The following DUSP16 variants were observed in gnomAD, a reference collection of about 807,000 sequenced individuals.
DUSP16 encodes dual specificity phosphatase 16, also known as dual specificity protein phosphatase 16.
A neutral mutation model predicts 58.3 loss-of-function variants in DUSP16; 21 were observed. The ratio of observed to expected loss-of-function variants is 0.36; its 90% CI spans 0.26 to 0.52. The LOEUF (loss-of-function observed/expected upper bound fraction) is 0.52, where lower values mean the gene tolerates loss of function less well. Among genes scored for constraint, DUSP16 ranks in the 20% least tolerant of loss-of-function variants. The pLI, the probability that DUSP16 is intolerant of heterozygous loss-of-function variation, is 0.94. For missense variants in DUSP16, 726 were observed against 819.0 expected (o/e 0.89, Z 1.39); for synonymous variants, 320 against 323.8 (o/e 0.99, Z 0.12).
At chr12:12,526,247 T>A (rs1944306407) in intron 1 of DUSP16, among the ~76,000 whole-genome samples, 1 of 152,204 alleles carries the variant, frequency 6.6e-6, no homozygotes, top group South Asian at 2.1e-4. Flanking sequence ...TTATATTTTA[T>A]AATATTTAAC....
At chr12:12,548,587 G>A (rs1336101762) in intron 1 of DUSP16, among the ~76,000 whole-genome samples, 1 of 131,830 alleles carries the variant, frequency 7.6e-6, no homozygotes, top group Non-Finnish European at 1.5e-5. Context: ...AGCCGAGATC[G>A]CACCACTGCA....
At chr12:12,484,891 C>T (rs1176787020) in intron 5 of DUSP16, among the ~76,000 whole-genome samples, 4 of 152,030 alleles carry the variant, frequency 2.6e-5, no homozygotes, top group South Asian at 2.1e-4. Flanking sequence ...GGATTACAGG[C>T]GTAAGCCACC....
At chr12:12,545,966 G>A (rs1021055100) in intron 1 of DUSP16, among the ~76,000 whole-genome samples, 1 of 151,998 alleles carries the variant, frequency 6.6e-6, no homozygotes, top group Non-Finnish European at 1.5e-5. Flanking sequence ...TTTAATATGT[G>A]GATTCTGAAT....
intron 3 of DUSP16, among the ~76,000 whole-genome samples, chr12:12,503,895 C>A (rs1413291358): frequency 1.3e-5 from 2 of 152,166 alleles, no homozygotes; most frequent in African/African-American, 4.8e-5. Flanking sequence ...CAAAATGCTA[C>A]GCTAGGGTCA....
At chr12:12,498,607 G>T (rs111531466) in intron 4 of DUSP16, among the ~76,000 whole-genome samples, 1 of 152,010 alleles carries the variant, frequency 6.6e-6, no homozygotes, top group South Asian at 2.1e-4. Flanking sequence ...TAGAGACGGG[G>T]TTTTGCCACG....
intron 3 of DUSP16, among the ~76,000 whole-genome samples, chr12:12,510,298 A>G (rs2136222508): frequency 6.6e-6 from 1 of 152,360 alleles, no homozygotes; most frequent in Admixed American, 6.5e-5. Flanking sequence ...TTGATGAGTC[A>G]AGAGGAAAAA....
At chr12:12,484,832 A>C (rs1943648855) in intron 5 of DUSP16, among the ~76,000 whole-genome samples, 1 of 151,734 alleles carries the variant, frequency 6.6e-6, no homozygotes, top group Admixed American at 6.6e-5. Context: ...GCTATCGCAA[A>C]CTCCAGCAAC....
At chr12:12,545,435 T>G (rs1165035789) in intron 1 of DUSP16, among the ~76,000 whole-genome samples, 1 of 139,726 alleles carries the variant, frequency 7.2e-6, no homozygotes, top group South Asian at 2.5e-4. Flanking sequence ...CCCAGCTAAT[T>G]TGTGTACTTT....
chr12:12,522,471 G>A (rs983594442), intron 1 of DUSP16, among the ~76,000 whole-genome samples: 2 of 151,920 alleles, frequency 1.3e-5, no homozygotes, highest in Non-Finnish European at 2.9e-5. Flanking sequence ...CAATACTCTC[G>A]GATTCCTATC....
chr12:12,533,574 C>T (rs1376595796), intron 1 of DUSP16, among the ~76,000 whole-genome samples: 1 of 152,212 alleles, frequency 6.6e-6, no homozygotes, highest in African/African-American at 2.4e-5. Flanking sequence ...GCTACAAAAA[C>T]TCTAAAATCA....
At chr12:12,493,952 T>C (rs1355139044) in intron 4 of DUSP16, among the ~76,000 whole-genome samples, 1 of 152,232 alleles carries the variant, frequency 6.6e-6, no homozygotes, top group African/African-American at 2.4e-5. Context: ...GCAGAGATTA[T>C]TGTCTCATTT....
intron 3 of DUSP16, among the ~76,000 whole-genome samples, chr12:12,503,483 C>T (rs1943942923): frequency 6.6e-6 from 1 of 152,096 alleles, no homozygotes; most frequent in African/African-American, 2.4e-5. Context: ...CCTCGGCCTC[C>T]CCGTTTTTTT....
At chr12:12,545,911 G>A (rs1300186145) in intron 1 of DUSP16, among the ~76,000 whole-genome samples, 2 of 152,126 alleles carry the variant, frequency 1.3e-5, no homozygotes, top group Non-Finnish European at 2.9e-5. Flanking sequence ...TAAGAGAAAT[G>A]GTAACCAAAT....
intron 5 of DUSP16, among the ~76,000 whole-genome samples, chr12:12,485,095 C>T (rs748855882): frequency 2.5e-4 from 38 of 151,512 alleles, no homozygotes; most frequent in African/African-American, 4.1e-4. Context: ...CTGCAACCTC[C>T]GCCTCCTGGA....
At position 12,476,041 on chromosome 12, in the gene DUSP16, C is replaced by T. The variant is rs181925595; in HGVS notation, c.*792G>A. On this transcript the variant is annotated 3_prime_UTR_variant, in exon 7 of 7. Transcript: ENST00000298573. ...AGGTTCCTGGTGGTTCAGCTGAATC[C>T]TAGACAGTTTCCCTTCTCTTCATAA... 301 of 152,346 alleles carry T rather than the reference C, an allele frequency of 2.0e-3. No individual in the cohort carries two copies. Among genetic ancestry groups the T allele is most frequent in the African/African-American group, 7.1e-3 (295 of 41,530 alleles). The allele number at this position is 152,346 out of a possible 1,614,324, so 9.4% of individuals were successfully genotyped here.
chr12:12,559,300 T>C (rs1004223495), intron 1 of DUSP16, among the ~76,000 whole-genome samples: 1 of 152,266 alleles, frequency 6.6e-6, no homozygotes, highest in Non-Finnish European at 1.5e-5. Context: ...GTAAATTTCT[T>C]TTAAAGCCAA....
At chr12:12,527,288 A>G (rs1350874434) in intron 1 of DUSP16, among the ~76,000 whole-genome samples, 2 of 152,164 alleles carry the variant, frequency 1.3e-5, no homozygotes, top group African/African-American at 2.4e-5. Flanking sequence ...AAAAAAACCA[A>G]TCAAAAGGGA....
At chr12:12,552,926 G>A (rs1254122265) in intron 1 of DUSP16, among the ~76,000 whole-genome samples, 1 of 151,586 alleles carries the variant, frequency 6.6e-6, no homozygotes, top group Non-Finnish European at 1.5e-5. Flanking sequence ...GATTACAGGC[G>A]CCCACCACCA....
At chr12:12,495,652 T>C (rs1463242536) in intron 4 of DUSP16, among the ~76,000 whole-genome samples, 1 of 152,226 alleles carries the variant, frequency 6.6e-6, no homozygotes, top group Admixed American at 6.5e-5. Context: ...CTCTGTTTGG[T>C]CAAATTCTCT....
Sources: gnomAD v4.1 joint callset for allele counts (sites outside exome capture counted in the v4.1 genomes callset) on GRCh38, gnomAD v4.1.1 for gene constraint, MANE v1.5 for transcripts, NCBI Gene and HGNC (gene_info 2026-07-23, HGNC 2026-07-21) for gene names.